The following CSGALNACT1 variants were observed in gnomAD, a reference collection of about 807,000 sequenced individuals.
The protein encoded by CSGALNACT1 is beta4GalNAcT-1.
CSGALNACT1 carries 52 observed loss-of-function variants against 51.0 expected under a neutral mutation model. The observed-to-expected ratio is 1.02, with a 90% CI of 0.82 to 1.29. CSGALNACT1 has a LOEUF of 1.29. Among genes scored for constraint, CSGALNACT1 ranks in the 50% most tolerant of loss-of-function variants. CSGALNACT1 has a pLI of 0.00. For missense variants in CSGALNACT1, 935 were observed against 679.2 expected (o/e 1.38, Z -4.19); for synonymous variants, 341 against 254.4 (o/e 1.34, Z -3.24).
At chr8:19,415,569 T>G (rs917678211) in intron 8 of CSGALNACT1, among the ~76,000 whole-genome samples, 1 of 152,172 alleles carries the variant, frequency 6.6e-6, no homozygotes, top group Non-Finnish European at 1.5e-5. Context: ...GAAACTTGCC[T>G]AACTGCACTG....
chr8:19,564,017 C>T (rs1424459311), intron 3 of CSGALNACT1, among the ~76,000 whole-genome samples: 1 of 152,132 alleles, frequency 6.6e-6, no homozygotes, highest in Non-Finnish European at 1.5e-5. Context: ...TCAGATAATC[C>T]TTCAGATTTC....
At chr8:19,605,310 C>A (rs1435799777), upstream of CSGALNACT1, among the ~76,000 whole-genome samples, 9 of 152,096 alleles carry the variant, frequency 5.9e-5, no homozygotes, top group Admixed American at 5.9e-4. Context: ...GTGGCAGGCA[C>A]CTGTAATCCC....
chr8:19,405,282 A>G (rs924818617), exon 10 of CSGALNACT1: 5 of 453,480 alleles, frequency 1.1e-5, no homozygotes, highest in Non-Finnish European at 2.2e-5. Flanking sequence ...GGTCCATTTT[A>G]TTTTACTTAA....
intron 1 of CSGALNACT1, among the ~76,000 whole-genome samples, chr8:19,742,043 G>A (rs759966188): frequency 3.9e-5 from 6 of 152,214 alleles, no homozygotes; most frequent in Non-Finnish European, 7.3e-5. Context: ...GAGGATAATG[G>A]TAGTGCCTGC....
intron 4 of CSGALNACT1, among the ~76,000 whole-genome samples, chr8:19,492,622 A>G (rs2074596309): frequency 1.3e-5 from 2 of 152,166 alleles, no homozygotes; most frequent in African/African-American, 4.8e-5. Flanking sequence ...AAAGGCTTTC[A>G]GGATAAGGGC....
intron 1 of CSGALNACT1, among the ~76,000 whole-genome samples, chr8:19,672,637 TATA>T (rs1249719546): frequency 1.3e-5 from 2 of 152,378 alleles, no homozygotes; most frequent in African/African-American, 2.4e-5. Flanking sequence ...ATGACATTTA[TATA>T]ATGCCTTACA....
At chr8:19,611,616 G>A (rs1383700538) in intron 1 of CSGALNACT1, among the ~76,000 whole-genome samples, 5 of 152,206 alleles carry the variant, frequency 3.3e-5, no homozygotes, top group Non-Finnish European at 7.3e-5. Flanking sequence ...AACCCAGGTG[G>A]TCTGAATGCA....
At chr8:19,645,143 T>C (rs78767820) in intron 1 of CSGALNACT1, among the ~76,000 whole-genome samples, 418 of 152,354 alleles carry the variant, frequency 2.7e-3, no homozygotes, top group African/African-American at 9.3e-3. Context: ...AGGCCTGCTC[T>C]CACCAAGGCA....
intron 1 of CSGALNACT1, among the ~76,000 whole-genome samples, chr8:19,618,136 C>A (rs982583609): frequency 6.6e-6 from 1 of 152,104 alleles, no homozygotes; most frequent in African/African-American, 2.4e-5. Flanking sequence ...GCCTCACCCC[C>A]CCGACAAAGC....
chr8:19,604,746 A>C (rs1459885444), upstream of CSGALNACT1, among the ~76,000 whole-genome samples: 4 of 67,112 alleles, frequency 6.0e-5, no homozygotes, highest in African/African-American at 2.0e-4. Flanking sequence ...TCTCTACTTT[A>C]AAAAAAAAAA....
Position 19,473,877 on chromosome 8 carries a change from C to T in CSGALNACT1, c.635-15235G>A, listed in dbSNP as rs113116165. On this transcript the variant is annotated intron_variant, in intron 4 of 9. Coordinates refer to ENST00000454498, the Ensembl canonical transcript of CSGALNACT1. ...AAGATCAAGAAAAGAATTATAAGCC[C>T]AGAAAACAGGTCACAATTTTCTACT... Among the ~76,000 whole-genome samples, 1,376 of 152,184 alleles carry T rather than the reference C, an allele frequency of 9.0e-3. 16 individuals carry two copies. The highest frequency in any genetic ancestry group is 0.03 in the African/African-American group (1,247 of 41,520).
intron 1 of CSGALNACT1, among the ~76,000 whole-genome samples, chr8:19,627,744 G>C (rs762626426): frequency 1.3e-5 from 2 of 152,156 alleles, no homozygotes; most frequent in Non-Finnish European, 2.9e-5. Context: ...AGGATCACTT[G>C]AGCCTAGGAG....
intron 1 of CSGALNACT1, among the ~76,000 whole-genome samples, chr8:19,635,513 C>A (rs531716023): frequency 6.6e-6 from 1 of 152,306 alleles, no homozygotes; most frequent in Non-Finnish European, 1.5e-5. Flanking sequence ...TGAACCTCGG[C>A]TGCTTCTGTG....
chr8:19,717,552 G>A (rs555221702), intron 1 of CSGALNACT1, among the ~76,000 whole-genome samples: 21 of 152,182 alleles, frequency 1.4e-4, no homozygotes, highest in Admixed American at 9.8e-4. Flanking sequence ...GAACCATAAC[G>A]AATGGTCCCA....
chr8:19,426,664 C>G (rs770904556), intron 6 of CSGALNACT1, among the ~76,000 whole-genome samples: 7 of 152,146 alleles, frequency 4.6e-5, no homozygotes, highest in Admixed American at 6.5e-5. Flanking sequence ...CAGTCAATTC[C>G]TGTTTTTATA....
intron 1 of CSGALNACT1, among the ~76,000 whole-genome samples, chr8:19,702,486 T>G (rs1440247096): frequency 6.6e-6 from 1 of 152,136 alleles, no homozygotes; most frequent in African/African-American, 2.4e-5. Flanking sequence ...CACTCCAGTT[T>G]AGGTGTCAGG....
intron 1 of CSGALNACT1, among the ~76,000 whole-genome samples, chr8:19,733,338 G>A (rs1344379611): frequency 2.0e-5 from 3 of 152,156 alleles, no homozygotes; most frequent in Non-Finnish European, 4.4e-5. Context: ...CACAGCCAAG[G>A]CCCACACTCC....
chr8:19,420,667 C>A, intron 6 of CSGALNACT1, 149 bp from the exon 6 acceptor site: 1 of 813,404 alleles, frequency 1.2e-6, no homozygotes, highest in South Asian at 1.4e-5. Flanking sequence ...TACAGAACGG[C>A]CCAGACTCAC....
At chr8:19,555,685 T>C (rs966750461) in intron 3 of CSGALNACT1, among the ~76,000 whole-genome samples, 10 of 152,204 alleles carry the variant, frequency 6.6e-5, no homozygotes, top group African/African-American at 2.4e-4. Context: ...AGACTTCACT[T>C]AGCATGTTAC....
Sources: allele counts gnomAD v4.1 joint callset (sites outside exome capture counted in the v4.1 genomes callset), GRCh38; gene constraint gnomAD v4.1.1; transcripts MANE v1.5; gene names NCBI Gene and HGNC (gene_info 2026-07-23, HGNC 2026-07-21).